WDR26: variants seen among roughly 807,000 people sequenced by gnomAD.
WDR26 encodes WD repeat domain 26.
A neutral mutation model predicts 84.1 loss-of-function variants in WDR26; 5 were observed. The ratio of observed to expected loss-of-function variants is 0.06; its 90% confidence interval spans 0.03 to 0.13. The LOEUF (loss-of-function observed/expected upper bound fraction) is 0.13. Ranked by LOEUF, WDR26 falls within the 10% of genes least tolerant of loss-of-function variation. The pLI is 1.00. For missense variants in WDR26, 642 were observed against 974.9 expected (o/e 0.66, Z 4.55); for synonymous variants, 415 against 389.6 (o/e 1.07, Z -0.77).
At chr1:224,408,132 G>A (rs1673633864) in intron 7 of WDR26, among the ~76,000 whole-genome samples, 1 of 152,160 alleles carries the variant, frequency 6.6e-6, no homozygotes, top group Admixed American at 6.5e-5. Context: ...TCCTTGATCT[G>A]GCTGCTATTT....
chr1:224,392,538 T>C (rs1673157203), intron 13 of WDR26, among the ~76,000 whole-genome samples: 2 of 152,184 alleles, frequency 1.3e-5, no homozygotes, highest in Admixed American at 6.5e-5. Context: ...TTTGGGTTTG[T>C]AGGCCTTTGG....
At chr1:224,425,570 A>T (rs1411282283) in intron 3 of WDR26, among the ~76,000 whole-genome samples, 2 of 152,198 alleles carry the variant, frequency 1.3e-5, no homozygotes, top group Admixed American at 1.3e-4. Flanking sequence ...TTAACTTGAA[A>T]CCACGTGGTC....
chr1:224,394,915 T>C (rs954062464), intron 12 of WDR26, among the ~76,000 whole-genome samples: 5 of 152,216 alleles, frequency 3.3e-5, no homozygotes, highest in Admixed American at 6.5e-5. Flanking sequence ...AAGAGCTTAC[T>C]AGTGAGAGTA....
intron 12 of WDR26, among the ~76,000 whole-genome samples, chr1:224,396,151 T>C (rs1466315835): frequency 1.3e-5 from 2 of 152,220 alleles, no homozygotes; most frequent in African/African-American, 4.8e-5. Context: ...AAGACTAATC[T>C]CTGTACTTGA....
intron 5 of WDR26, 29 bp downstream of exon 5, chr1:224,419,489 A>T: frequency 6.5e-7 from 1 of 1,530,536 alleles, no homozygotes; most frequent in East Asian, 2.2e-5. Flanking sequence ...AAGAGAAAAC[A>T]CAGCAACATA....
chr1:224,424,865 G>A (rs1351332686), intron 3 of WDR26: 4 of 609,876 alleles, frequency 6.6e-6, no homozygotes, highest in Admixed American at 5.9e-5. Flanking sequence ...CTAAAACTCT[G>A]CTTTGAACAA....
rs1443757858 is a variant in WDR26, at chr1:224,389,438, C to T, written c.*397G>A. ...GACTAATGCACTCTTTCTATCAAGCCTTCTAAACTGTTAAATAAAGTTTTC... is the reference window on the plus strand; with the variant it reads ...GACTAATGCACTCTTTCTATCAAGCTTTCTAAACTGTTAAATAAAGTTTTC... On this transcript the variant is annotated 3_prime_UTR_variant, in exon 14 of 14. Coordinates refer to ENST00000414423, the MANE Select transcript of WDR26 (RefSeq NM_001379403.1). The T allele has an allele frequency of 4.4e-6, 2 of 450,366 alleles. No homozygotes were observed. The highest frequency in any genetic ancestry group is 4.1e-5 in the African/African-American group (2 of 48,700). The allele number at this position is 450,366 out of a possible 1,614,324, so 27.9% of individuals were successfully genotyped here.
intron 5 of WDR26, among the ~76,000 whole-genome samples, chr1:224,419,049 T>A (rs143992815): frequency 2.2e-3 from 336 of 152,340 alleles, no homozygotes; most frequent in African/African-American, 7.6e-3. Context: ...TAGAATCATA[T>A]AATTTTCAGA....
chr1:224,425,265 C>T (rs1032947280), intron 3 of WDR26, among the ~76,000 whole-genome samples: 4 of 152,170 alleles, frequency 2.6e-5, no homozygotes, highest in Non-Finnish European at 4.4e-5. Context: ...CTACAACTAA[C>T]GTGGACAAGC....
intron 6 of WDR26, among the ~76,000 whole-genome samples, chr1:224,416,581 A>G (rs1673911181): frequency 6.6e-6 from 1 of 152,174 alleles, no homozygotes; most frequent in Admixed American, 6.5e-5. Flanking sequence ...TGAGGGTTGG[A>G]AAAAGTTAGA....
chr1:224,400,872 A>T, intron 9 of WDR26, 78 bp downstream of exon 9: 1 of 1,562,310 alleles, frequency 6.4e-7, no homozygotes, highest in South Asian at 1.2e-5. Flanking sequence ...TAAGATACTG[A>T]GTCAAGGAAA....
At chr1:224,397,393 GTT>G (rs1172110969) in intron 12 of WDR26, among the ~76,000 whole-genome samples, 1 of 152,208 alleles carries the variant, frequency 6.6e-6, no homozygotes, top group Non-Finnish European at 1.5e-5. Flanking sequence ...TTTGCCACTA[GTT>G]AAGTTCCTAT....
intron 13 of WDR26, among the ~76,000 whole-genome samples, chr1:224,390,472 A>C (rs1016520156): frequency 6.6e-6 from 1 of 152,222 alleles, no homozygotes; most frequent in Admixed American, 6.5e-5. Flanking sequence ...CAGAATAGAT[A>C]AATTTTTATG....
chr1:224,413,958 C>T (rs960267677), intron 6 of WDR26, among the ~76,000 whole-genome samples: 4 of 151,874 alleles, frequency 2.6e-5, no homozygotes, highest in Admixed American at 6.6e-5. Context: ...TACAGGTGCG[C>T]ACCACTACAC....
chr1:224,405,865 T>C (rs754309604), intron 7 of WDR26, among the ~76,000 whole-genome samples: 1 of 152,194 alleles, frequency 6.6e-6, no homozygotes, highest in Non-Finnish European at 1.5e-5. Context: ...TTAAAATTTG[T>C]AAGCTAGGGA....
chr1:224,401,717 A>AAAGAAAAAAAG (rs1673428209), intron 8 of WDR26, among the ~76,000 whole-genome samples: 1 of 150,766 alleles, frequency 6.6e-6, no homozygotes, highest in Non-Finnish European at 1.5e-5. Flanking sequence ...AAGAAAAAAA[A>AAAGAAAAAAAG]AGAGAAAAAC....
At chr1:224,401,131 G>GAA (rs369474403) in intron 8 of WDR26, 62 bp from the exon 9 acceptor site, 26 of 1,309,672 alleles carry the variant, frequency 2.0e-5, no homozygotes, top group African/African-American at 4.7e-5. Context: ...AATTATGTGA[G>GAA]AAAAAAAAAA....
chr1:224,407,151 A>AAAAAAAAAAAGAATATATATAT, intron 7 of WDR26, among the ~76,000 whole-genome samples: 1 of 11,868 alleles, frequency 8.4e-5, no homozygotes, highest in South Asian at 4.8e-3. Context: ...AAAAAAAAAA[A>AAAAAAAAAAAGAATATATATAT]ATATATATAT....
chr1:224,403,916 G>A (rs182227508), intron 8 of WDR26, among the ~76,000 whole-genome samples: 4 of 152,268 alleles, frequency 2.6e-5, no homozygotes, highest in East Asian at 3.9e-4. Context: ...CAGCCTGGGC[G>A]ACAGAGCGAG....
Sources: allele counts gnomAD v4.1 joint callset (sites outside exome capture counted in the v4.1 genomes callset), GRCh38; gene constraint gnomAD v4.1.1; transcripts MANE v1.5; gene names NCBI Gene and HGNC (gene_info 2026-07-23, HGNC 2026-07-21).